Variants in RXFP1 observed in about 807,000 individuals in gnomAD.
RXFP1 encodes the protein relaxin family peptide receptor 1.
Under a neutral mutation model 89.8 loss-of-function variants are expected in RXFP1, and 73 were observed. The observed-to-expected ratio is 0.81, with a 90% CI of 0.67 to 0.99. The LOEUF is 0.99. Among genes scored for constraint, RXFP1 ranks in the 50% least tolerant of loss-of-function variants. RXFP1 has a pLI of 0.00. For missense variants in RXFP1, 793 were observed against 895.5 expected (o/e 0.89, Z 1.46); for synonymous variants, 277 against 305.5 (o/e 0.91, Z 0.97).
At chr4:158,640,445 C>G (rs538146166) in intron 14 of RXFP1, among the ~76,000 whole-genome samples, 1 of 152,030 alleles carries the variant, frequency 6.6e-6, no homozygotes, top group African/African-American at 2.4e-5. Flanking sequence ...TTGGTGAGGT[C>G]GTCAGGAAAG....
chr4:158,647,443 G>A (rs921956657), intron 16 of RXFP1, among the ~76,000 whole-genome samples: 13 of 152,138 alleles, frequency 8.5e-5, no homozygotes, highest in African/African-American at 2.2e-4. Flanking sequence ...TTTACAATAT[G>A]AACATAATGA....
intron 1 of RXFP1, 59 bp downstream of exon 1, chr4:158,522,084 C>A: frequency 1.0e-6 from 1 of 1,001,112 alleles, no homozygotes; most frequent in Non-Finnish European, 1.5e-6. Context: ...TAACCACAAG[C>A]ACAAATGTTT....
At chr4:158,650,409 A>G (rs1178650229) in intron 17 of RXFP1, among the ~76,000 whole-genome samples, 1 of 148,760 alleles carries the variant, frequency 6.7e-6, no homozygotes, top group East Asian at 1.9e-4. Context: ...ATGAAAATGC[A>G]TATATCCTGT....
chr4:158,602,477 C>T (rs897349784), intron 4 of RXFP1, among the ~76,000 whole-genome samples: 1 of 151,858 alleles, frequency 6.6e-6, no homozygotes, highest in Admixed American at 6.6e-5. Context: ...AGGAAAATGC[C>T]ATGGCCTATA....
chr4:158,615,658 T>C (rs1044510303), intron 8 of RXFP1, among the ~76,000 whole-genome samples: 2 of 151,744 alleles, frequency 1.3e-5, no homozygotes, highest in African/African-American at 4.8e-5. Context: ...AATAAAAAGT[T>C]TGATGGCTGG....
chr4:158,614,234 G>A (rs544088568), intron 8 of RXFP1, among the ~76,000 whole-genome samples: 19 of 152,266 alleles, frequency 1.2e-4, no homozygotes, highest in Non-Finnish European at 1.8e-4. Context: ...GTAAATGAGC[G>A]TTGACTTCCA....
Position 158,553,101 on chromosome 4 carries a change from A to G in RXFP1, c.50-19597A>G, listed in dbSNP as rs140226687. ...CTGCTTGGGAGGCTGGGGTGGGAGG[A>G]TCACCTGAGCCCAGGGGTTTGAGGC... On this transcript the variant is annotated intron_variant, in intron 1 of 17. Transcript: ENST00000307765. Among the ~76,000 whole-genome samples, 18 of 152,190 alleles carry G rather than the reference A, an allele frequency of 1.2e-4. 1 individual carries two copies. The Middle Eastern group carries it at 0.01, about 86-fold the overall frequency.
chr4:158,607,501 C>T (rs1232005534), intron 5 of RXFP1, among the ~76,000 whole-genome samples: 1 of 152,222 alleles, frequency 6.6e-6, no homozygotes, highest in African/African-American at 2.4e-5. Context: ...TTGGCTAGCA[C>T]TGTGTTGAGC....
rs146152197 is a variant in RXFP1, at chr4:158,617,051, G to GAAT, written c.681-69_681-67dup. The GAAT allele has an allele frequency of 8.3e-3, 7,944 of 954,332 alleles. 384 individuals carry two copies. In the African/African-American group the frequency reaches 0.11, roughly 14 times the overall value. The allele number at this position is 954,332 out of a possible 1,614,324, so 59.1% of individuals were successfully genotyped here. ...TTTAGTGGATTTGTGGGTTTCATAA[G>GAAT]AATAATAATAATACCATGTTTGACC... On this transcript the variant is annotated intron_variant, in intron 8 of 17. Transcript: ENST00000307765.
chr4:158,536,608 C>A (rs1745335085), intron 1 of RXFP1, among the ~76,000 whole-genome samples: 1 of 152,094 alleles, frequency 6.6e-6, no homozygotes, highest in Non-Finnish European at 1.5e-5. Context: ...GTAAGAGATA[C>A]CTGACTTAAA....
chr4:158,525,565 C>A (rs931606303), intron 1 of RXFP1, among the ~76,000 whole-genome samples: 1 of 152,132 alleles, frequency 6.6e-6, no homozygotes, highest in African/African-American at 2.4e-5. Context: ...AACTAAAATG[C>A]CTGGAGTTGA....
rs528421875 is a variant in RXFP1 at position 158,548,698 on chromosome 4, C to T, written c.50-24000C>T. Among the ~76,000 whole-genome samples the T allele has an allele frequency of 3.9e-5, 6 of 152,184 alleles. No homozygotes were observed. The South Asian group carries it at 1.2e-3, about 32-fold the overall frequency. ...TTGTCTGTAAAGGATTTTATTTATC[C>T]TTCACTTTTGAAGCTTAGTTTAGCT... is the stretch of plus-strand genomic sequence containing the variant. On this transcript the variant is annotated intron_variant, in intron 1 of 17. Coordinates refer to ENST00000307765, the MANE Select transcript of RXFP1 (RefSeq NM_021634.4).
rs532503161 is a variant in RXFP1, at chr4:158,641,292, A to G, written c.1115+1961A>G. Among the ~76,000 whole-genome samples the G allele has an allele frequency of 2.0e-5, 3 of 152,328 alleles. No homozygotes were observed. The East Asian group carries it at 5.8e-4, about 29-fold the overall frequency. On this transcript the variant is annotated intron_variant, in intron 14 of 17. Coordinates refer to ENST00000307765, the MANE Select transcript of RXFP1 (RefSeq NM_021634.4). ...ATCCAAGTGTCATTCAATCAGATTC[A>G]GTTTCAGGGAAGAGAATCTAGTTGA...
rs566332489 is a variant in RXFP1, at chr4:158,582,351, C to A, written c.187+9516C>A. ...GTCTGATTCATTTCCCTTCACCTGG[C>A]ATTGCAGTTGAGCTCAGCAGTCTCT... On this transcript the variant is annotated intron_variant, in intron 2 of 17. Coordinates refer to ENST00000307765, the MANE Select transcript of RXFP1 (RefSeq NM_021634.4). 2.0e-5 allele frequency among the ~76,000 whole-genome samples: 3 copies of A among 152,248 alleles called. No homozygotes were observed. In the East Asian group the frequency reaches 5.8e-4, roughly 29 times the overall value.
At chr4:158,552,473 C>G (rs1294321969) in intron 1 of RXFP1, among the ~76,000 whole-genome samples, 1 of 152,010 alleles carries the variant, frequency 6.6e-6, no homozygotes, top group Non-Finnish European at 1.5e-5. Context: ...TATCCTAGAC[C>G]CTCAAAAACT....
chr4:158,537,443 G>A (rs1000001207), intron 1 of RXFP1, among the ~76,000 whole-genome samples: 1 of 152,056 alleles, frequency 6.6e-6, no homozygotes, highest in African/African-American at 2.4e-5. Context: ...ACAGGGTCTT[G>A]GTGGAAGACT....
intron 3 of RXFP1, among the ~76,000 whole-genome samples, chr4:158,597,874 C>T (rs1245979303): frequency 1.3e-5 from 2 of 152,182 alleles, no homozygotes; most frequent in Non-Finnish European, 2.9e-5. Flanking sequence ...GAGACAGCAT[C>T]AGTTTTCAGA....
intron 1 of RXFP1, among the ~76,000 whole-genome samples, chr4:158,547,969 C>T (rs180831839): frequency 1.1e-3 from 171 of 152,274 alleles, no homozygotes; most frequent in Middle Eastern, 0.01. Context: ...ATTAGGTCTG[C>T]TGGGTGCAGA....
chr4:158,614,061 A>G (rs1764054490), intron 8 of RXFP1, among the ~76,000 whole-genome samples: 1 of 152,154 alleles, frequency 6.6e-6, no homozygotes, highest in Non-Finnish European at 1.5e-5. Flanking sequence ...CTTGAAAGGA[A>G]ATCTTTTTTT....
Sources: gnomAD v4.1 joint callset for allele counts (sites outside exome capture counted in the v4.1 genomes callset) on GRCh38, gnomAD v4.1.1 for gene constraint, MANE v1.5 for transcripts, NCBI Gene and HGNC (gene_info 2026-07-23, HGNC 2026-07-21) for gene names.